ARFGEF1: variants seen among roughly 807,000 people sequenced by gnomAD.
The protein encoded by ARFGEF1 is ARF guanine nucleotide exchange factor 1, also known as brefeldin A-inhibited guanine nucleotide-exchange protein 1.
Under a neutral mutation model 231.0 loss-of-function variants are expected in ARFGEF1, and 42 were observed. The observed-to-expected ratio is 0.18, with a 90% CI of 0.14 to 0.24. The LOEUF (loss-of-function observed/expected upper bound fraction) is 0.24, where lower values mean the gene tolerates loss of function less well. Among genes scored for constraint, ARFGEF1 ranks in the 10% least tolerant of loss-of-function variants. The probability of loss-of-function intolerance (pLI) is 1.00; values close to 1 mark genes in which losing one functional copy is unlikely to be tolerated. For missense variants in ARFGEF1, 1,345 were observed against 2,192.0 expected, an observed-to-expected ratio of 0.61 and a Z score of 7.72; for synonymous variants, 710 against 732.3, an observed-to-expected ratio of 0.97 and a Z score of 0.49.
chr8:67,187,895 C>T (rs965899513), intron 5 of ARFGEF1, among the ~76,000 whole-genome samples: 7 of 152,180 alleles, frequency 4.6e-5, no homozygotes, highest in African/African-American at 1.7e-4. Context: ...GTCGATCTTA[C>T]ATCTAAATGT....
rs1410662968 is a variant in ARFGEF1 at position 67,215,572 on chromosome 8, TA to T, written c.4686+1017del. ...AAAACAAAAAGGAGAGGGAGAGATT[TA>T]ATTCACACACAGTGAGGGAGACTAT... On this transcript the variant is annotated intron_variant, in intron 33 of 38. Transcript: ENST00000262215. 2.6e-5 allele frequency among the ~76,000 whole-genome samples: 4 copies of T among 152,296 alleles called. No homozygotes were observed. The South Asian group carries it at 8.3e-4, about 32-fold the overall frequency.
At chr8:67,315,851 G>A (rs1178432678) in intron 1 of ARFGEF1, among the ~76,000 whole-genome samples, 1 of 151,770 alleles carries the variant, frequency 6.6e-6, no homozygotes, top group Non-Finnish European at 1.5e-5. Flanking sequence ...CTTAAAGGGA[G>A]ACTTACAGCA....
chr8:67,181,630 A>G (rs1833069301), intron 5 of ARFGEF1, among the ~76,000 whole-genome samples: 1 of 152,146 alleles, frequency 6.6e-6, no homozygotes, highest in South Asian at 2.1e-4. Flanking sequence ...TGTAAAGCTG[A>G]TGGTTTCAGT....
At chr8:67,210,727 A>G (rs1838704015) in intron 34 of ARFGEF1, among the ~76,000 whole-genome samples, 1 of 152,178 alleles carries the variant, frequency 6.6e-6, no homozygotes, top group African/African-American at 2.4e-5. Context: ...TCTATCTACC[A>G]GAGGATGTCC....
Position 67,204,662 on chromosome 8 carries a change from GTCC to G in ARFGEF1, c.4959+15_4959+17del. On this transcript the variant is annotated intron_variant, in intron 35 of 38. Transcript: ENST00000262215. The stretch of plus-strand genomic sequence containing the variant: ...TCCTACTTACACAAAAAAAGCAGCT[GTCC>G]TCCTATCTCCTTACCTGTGCTGCAG... The G allele has an allele frequency of 6.2e-7, 1 of 1,600,396 alleles. No individual in the cohort carries two copies. The highest frequency in any genetic ancestry group is 1.1e-5 in the South Asian group (1 of 89,208).
At chr8:67,335,295 C>T (rs1808293011) in intron 1 of ARFGEF1, among the ~76,000 whole-genome samples, 1 of 151,746 alleles carries the variant, frequency 6.6e-6, no homozygotes, top group South Asian at 2.1e-4. Context: ...TTAGTAGAGA[C>T]GGGGTTTCAC....
At chr8:67,194,999 AAG>A (rs1454194546), downstream of ARFGEF1, among the ~76,000 whole-genome samples, 2 of 152,338 alleles carry the variant, frequency 1.3e-5, no homozygotes, top group South Asian at 2.1e-4. Context: ...AGAAAAAAGA[AAG>A]AAATTTTATG....
intron 35 of ARFGEF1, among the ~76,000 whole-genome samples, chr8:67,203,999 C>T (rs1198088803): frequency 2.6e-5 from 4 of 152,318 alleles, no homozygotes; most frequent in Admixed American, 2.0e-4. Context: ...CCTCTCTTGC[C>T]TACAGTCAGT....
intron 29 of ARFGEF1, among the ~76,000 whole-genome samples, chr8:67,220,999 T>A: frequency 6.6e-6 from 1 of 151,534 alleles, no homozygotes; most frequent in Non-Finnish European, 1.5e-5. Flanking sequence ...GAACTGCATA[T>A]AAGACAGTGG....
At chr8:67,248,935 C>T (rs564971303) in intron 19 of ARFGEF1, among the ~76,000 whole-genome samples, 2 of 150,190 alleles carry the variant, frequency 1.3e-5, no homozygotes, top group East Asian at 3.9e-4. Flanking sequence ...GACACTGTAT[C>T]TTGTTTCTAA....
At chr8:67,336,913 A>C (rs934869911) in intron 1 of ARFGEF1, among the ~76,000 whole-genome samples, 2 of 152,012 alleles carry the variant, frequency 1.3e-5, no homozygotes, top group African/African-American at 4.8e-5. Context: ...GGAGGATCAC[A>C]AGGTCAGGAG....
chr8:67,309,975 C>A (rs1271457398), intron 1 of ARFGEF1, among the ~76,000 whole-genome samples: 1 of 152,208 alleles, frequency 6.6e-6, no homozygotes, highest in Non-Finnish European at 1.5e-5. Context: ...CACGATCCAA[C>A]TTTGCGTTGT....
Position 67,266,194 on chromosome 8 carries a change from G to C in ARFGEF1, c.1935C>G (p.Pro645=). The part of the protein sequence containing the change: ...NSQTTLGQEK[P]SEQEMSEIKH... ...TGATTTCACTCATCTCTTGCTCTGA[G>C]GGTTTTTCCTGACCTGAAAGAAGAA... The change falls in exon 14 of 39, where the codon CCC becomes CCG. Residue 645 remains proline (P), a synonymous_variant. Coordinates refer to ENST00000262215, the MANE Select transcript of ARFGEF1 (RefSeq NM_006421.5). 1 of 1,613,064 alleles carries C rather than the reference G, an allele frequency of 6.2e-7. No homozygotes were observed. Among genetic ancestry groups the C allele is most frequent in the East Asian group, 2.2e-5 (1 of 44,808 alleles).
intron 36 of ARFGEF1, among the ~76,000 whole-genome samples, chr8:67,202,636 T>G (rs1480175085): frequency 6.6e-6 from 1 of 152,232 alleles, no homozygotes; most frequent in Non-Finnish European, 1.5e-5. Context: ...AATGTCTAAC[T>G]TGTTCTAGAA....
intron 27 of ARFGEF1, 97 bp from the exon 28 acceptor site, chr8:67,226,280 A>G: frequency 8.7e-7 from 1 of 1,143,410 alleles, no homozygotes; most frequent in South Asian, 2.1e-5. Context: ...CTTCCTCTTA[A>G]AGGTTGTTAC....
chr8:67,292,072 G>C lies in ARFGEF1; in HGVS notation c.691C>G (p.Leu231Val). The change falls in exon 6 of 39, where the codon CTG (leucine) becomes GTG (valine). Residue 231 changes from leucine to valine, a missense_variant. Coordinates refer to ENST00000262215, the MANE Select transcript of ARFGEF1 (RefSeq NM_006421.5). The stretch of plus-strand genomic sequence containing the variant: ...TGATGGCTTACTGGAGACTGTAACA[G>C]ATGATGATGCTGCCGATGCCTTTCT... Reference protein sequence around the residue: ...EKERHRQHHHLLQSPVSHHEP... With the variant: ...EKERHRQHHHVLQSPVSHHEP... 6.2e-7 allele frequency: 1 copy of C among 1,613,872 alleles called. No individual in the cohort carries two copies. Among genetic ancestry groups the C allele is most frequent in the Non-Finnish European group, 8.5e-7 (1 of 1,179,844 alleles).
intron 5 of ARFGEF1, among the ~76,000 whole-genome samples, chr8:67,294,931 G>A (rs939318117): frequency 1.3e-4 from 20 of 152,046 alleles, no homozygotes; most frequent in African/African-American, 4.8e-4. Context: ...CTGAAGCTGG[G>A]AAAATTCAAA....
At chr8:67,284,728 T>C (rs866170749) in intron 7 of ARFGEF1, among the ~76,000 whole-genome samples, 1 of 152,134 alleles carries the variant, frequency 6.6e-6, no homozygotes, top group Non-Finnish European at 1.5e-5. Flanking sequence ...TTAAGACTAA[T>C]TGTATGTTTC....
intron 1 of ARFGEF1, among the ~76,000 whole-genome samples, chr8:67,311,392 A>G (rs1807042774): frequency 3.2e-5 from 4 of 126,926 alleles, no homozygotes; most frequent in African/African-American, 9.1e-5. Context: ...CTGCCCAGCC[A>G]GCCGCCCCGT....
Sources: allele counts gnomAD v4.1 joint callset (sites outside exome capture counted in the v4.1 genomes callset), GRCh38; gene constraint gnomAD v4.1.1; transcripts MANE v1.5; gene names NCBI Gene and HGNC (gene_info 2026-07-23, HGNC 2026-07-21).